The following NGLY1 variants were observed in gnomAD, a reference collection of about 807,000 sequenced individuals.
NGLY1 encodes the protein peptide-N(4)-(N-acetyl-beta-glucosaminyl)asparagine amidase.
Under a neutral mutation model 84.6 loss-of-function variants are expected in NGLY1, and 68 were observed. That is an observed-to-expected ratio of 0.80 (90% CI 0.66 to 0.98). NGLY1 has a LOEUF of 0.98. Among genes scored for constraint, NGLY1 ranks in the 50% least tolerant of loss-of-function variants. NGLY1 has a pLI of 0.00. For synonymous variants in NGLY1, 280 were observed against 275.2 expected, an observed-to-expected ratio of 1.02 and a Z score of -0.17; for missense variants, 779 against 770.2, an observed-to-expected ratio of 1.01 and a Z score of -0.14.
chr3:25,767,019 C>T (rs1051819222), intron 2 of NGLY1, among the ~76,000 whole-genome samples: 1 of 152,112 alleles, frequency 6.6e-6, no homozygotes, highest in Non-Finnish European at 1.5e-5. Context: ...AGAGGCCAGG[C>T]GCAGTGGCTC....
intron 3 of NGLY1, chr3:25,754,818 T>A: frequency 2.4e-6 from 1 of 423,500 alleles, no homozygotes; most frequent in Non-Finnish European, 4.2e-6. Context: ...TACGAGCAAC[T>A]GGGTCAGCAC....
intron 3 of NGLY1, chr3:25,754,780 G>A (rs1706944066): frequency 4.8e-6 from 1 of 208,980 alleles, no homozygotes; most frequent in Non-Finnish European, 9.1e-6. Flanking sequence ...CATTAGAGAT[G>A]ACTCGTGCTT....
At chr3:25,742,386 T>C (rs1365086804) in intron 4 of NGLY1, among the ~76,000 whole-genome samples, 1 of 152,088 alleles carries the variant, frequency 6.6e-6, no homozygotes, top group Non-Finnish European at 1.5e-5. Context: ...TAAAAAGCTG[T>C]CCAATACATA....
In NGLY1 at chr3:25,751,271, G is replaced by GAAA; in HGVS notation, c.493-11_493-9dup. ...GGCTGAGTCAGCAGCAACCTAATAGGAAAAAAAAAAACTGAAATTAACTTT... is the reference window on the plus strand; with the variant it reads ...GGCTGAGTCAGCAGCAACCTAATAGGAAAAAAAAAAAAAACTGAAATTAACTTT... On this transcript the variant is annotated splice_polypyrimidine_tract_variant and intron_variant, in intron 3 of 11. Transcript: ENST00000280700. The GAAA allele has an allele frequency of 7.6e-6, 9 of 1,179,518 alleles. No individual in the cohort carries two copies. Among genetic ancestry groups the GAAA allele is most frequent in the South Asian group, 3.7e-5 (2 of 53,630 alleles). The allele number at this position is 1,179,518 out of a possible 1,614,324, so 73.1% of individuals were successfully genotyped here. A position where few individuals can be genotyped will look rare whatever the true frequency, so the allele number is the denominator to read the frequency against.
At chr3:25,781,221 G>A (rs1165225140) in intron 1 of NGLY1, among the ~76,000 whole-genome samples, 1 of 152,052 alleles carries the variant, frequency 6.6e-6, no homozygotes, top group Non-Finnish European at 1.5e-5. Flanking sequence ...ACAGTGCTGG[G>A]GTTACAGGTG....
chr3:25,722,124 A>G (rs1705025328), intron 10 of NGLY1, among the ~76,000 whole-genome samples: 4 of 151,936 alleles, frequency 2.6e-5, no homozygotes, highest in Admixed American at 2.6e-4. Flanking sequence ...AGGCTGATAC[A>G]TGAATATTGC....
upstream of NGLY1, among the ~76,000 whole-genome samples, chr3:25,786,843 A>C (rs1011184593): frequency 6.6e-6 from 1 of 152,242 alleles, no homozygotes; most frequent in African/African-American, 2.4e-5. Flanking sequence ...GAAATGCACA[A>C]AAAGTGCATG....
At chr3:25,786,403 A>T (rs1403115411), upstream of NGLY1, among the ~76,000 whole-genome samples, 1 of 152,220 alleles carries the variant, frequency 6.6e-6, no homozygotes. Context: ...GGGGAAAAAA[A>T]AAATCTTTAT....
chr3:25,781,009 C>T lies in NGLY1; in HGVS notation c.131+2251G>A, dbSNP rs76791238. Among the ~76,000 whole-genome samples, 453 of 151,818 alleles carry T rather than the reference C, an allele frequency of 3.0e-3. 8 individuals are homozygous for T. Among genetic ancestry groups the T allele is most frequent in the African/African-American group, 0.01 (430 of 41,382 alleles). The stretch of plus-strand genomic sequence containing the variant: ...TTCTTTTTTGAGAAAGGTCTCACTT[C>T]GCCATCAAAGCTAGAATGCAGTGGC... On this transcript the variant is annotated intron_variant, in intron 1 of 11. Transcript: ENST00000280700.
chr3:25,755,653 G>C (rs1473337283), intron 3 of NGLY1: 10 of 1,479,640 alleles, frequency 6.8e-6, no homozygotes, highest in African/African-American at 1.4e-5. Flanking sequence ...AAAACATGAA[G>C]ATGATGATGA....
At chr3:25,734,726 A>C (rs1705728809) in intron 7 of NGLY1, 2 of 863,676 alleles carry the variant, frequency 2.3e-6, no homozygotes, top group African/African-American at 3.6e-5. Flanking sequence ...TTAAAATAAA[A>C]TAAAATAAAA....
At chr3:25,767,157 T>G (rs925607423) in intron 2 of NGLY1, among the ~76,000 whole-genome samples, 1 of 151,928 alleles carries the variant, frequency 6.6e-6, no homozygotes, top group African/African-American at 2.4e-5. Flanking sequence ...CTGGGCGCAG[T>G]GGCAGGCAAC....
At position 25,763,118 on chromosome 3, in the gene NGLY1, T is replaced by C. The variant is rs531341788; in HGVS notation, c.492+948A>G. ...ACAGCCTGGACAGAATGAGACTCTGTCTCAAAAAAAGAAAAAAACAAAACA... is the reference window on the plus strand; with the variant it reads ...ACAGCCTGGACAGAATGAGACTCTGCCTCAAAAAAAGAAAAAAACAAAACA... On this transcript the variant is annotated intron_variant, in intron 3 of 11. Coordinates refer to ENST00000280700, the MANE Select transcript of NGLY1 (RefSeq NM_018297.4). 5.3e-5 allele frequency among the ~76,000 whole-genome samples: 8 copies of C among 151,968 alleles called. No homozygotes were observed. In the East Asian group the frequency reaches 1.5e-3, roughly 29 times the overall value.
chr3:25,768,980 A>C (rs531024675), intron 2 of NGLY1, among the ~76,000 whole-genome samples: 2 of 152,358 alleles, frequency 1.3e-5, no homozygotes, highest in African/African-American at 4.8e-5. Flanking sequence ...AAATATGTGC[A>C]AACTATTCAA....
chr3:25,778,733 C>T (rs967091494), intron 1 of NGLY1, 45 bp from the exon 2 acceptor site: 2 of 1,174,348 alleles, frequency 1.7e-6, no homozygotes, highest in East Asian at 4.8e-5. Flanking sequence ...AAAACCAGGT[C>T]ATAGTTCTTC....
At chr3:25,726,557 AG>A (rs755429898) in intron 10 of NGLY1, among the ~76,000 whole-genome samples, 1 of 152,150 alleles carries the variant, frequency 6.6e-6, no homozygotes, top group Non-Finnish European at 1.5e-5. Flanking sequence ...GAAGTATAGG[AG>A]GTTCTGTGAA....
In NGLY1 at chr3:25,743,369, G is replaced by C. The variant is rs1219579517; in HGVS notation, c.659-3570C>G. On this transcript the variant is annotated intron_variant, in intron 4 of 11. Transcript: ENST00000280700. ...CCTCCTGTCTTGTTCACTGGCTACA[G>C]CCACCATGCTCTCCCTGCCATCTCT... 2.6e-5 allele frequency among the ~76,000 whole-genome samples: 4 copies of C among 152,242 alleles called. 1 individual carries two copies. The highest frequency in any genetic ancestry group is 7.2e-5 in the African/African-American group (3 of 41,546).
intron 3 of NGLY1, 37 bp downstream of exon 3, chr3:25,764,029 A>G: frequency 6.2e-7 from 1 of 1,606,150 alleles, no homozygotes; most frequent in Non-Finnish European, 8.5e-7. Context: ...CAACACTTTG[A>G]AAGAAACAGT....
At chr3:25,764,409 T>C (rs1559552200) in intron 2 of NGLY1, 98 bp from the exon 3 acceptor site, 4 of 1,252,908 alleles carry the variant, frequency 3.2e-6, no homozygotes, top group Non-Finnish European at 4.4e-6. Flanking sequence ...ACCAATAATA[T>C]AGAATGCATG....
Sources: allele counts gnomAD v4.1 joint callset (sites outside exome capture counted in the v4.1 genomes callset), GRCh38; gene constraint gnomAD v4.1.1; transcripts MANE v1.5; gene names NCBI Gene and HGNC (gene_info 2026-07-23, HGNC 2026-07-21).